Variants in BATF observed in about 807,000 individuals in gnomAD.
BATF encodes the protein basic leucine zipper ATF-like transcription factor.
A neutral mutation model predicts 13.7 loss-of-function variants in BATF; 5 were observed. That is an observed-to-expected ratio of 0.36 (90% confidence interval 0.19 to 0.77). BATF has a LOEUF of 0.77. Among genes scored for constraint, BATF ranks in the 30% least tolerant of loss-of-function variants. The pLI is 0.51. For missense variants in BATF, 124 were observed against 163.0 expected (o/e 0.76, Z 1.30); for synonymous variants, 72 against 67.5 (o/e 1.07, Z -0.33).
intron 2 of BATF, among the ~76,000 whole-genome samples, chr14:75,526,265 T>A (rs952914262): frequency 6.6e-5 from 10 of 152,212 alleles, no homozygotes; most frequent in African/African-American, 2.2e-4. Flanking sequence ...ATGGTTCTTG[T>A]TCAACCAACT....
intron 2 of BATF, among the ~76,000 whole-genome samples, chr14:75,530,623 A>G (rs1324368955): frequency 2.6e-5 from 4 of 152,228 alleles, no homozygotes; most frequent in South Asian, 2.1e-4. Context: ...AGGCATAAAT[A>G]TAGTCCATAG....
Position 75,525,136 on chromosome 14 carries a change from C to A in BATF, c.116C>A (p.Ala39Asp). 6.2e-7 allele frequency: 1 copy of A among 1,613,864 alleles called. No homozygotes were observed. The highest frequency in any genetic ancestry group is 8.5e-7 in the Non-Finnish European group (1 of 1,179,908). The change falls in exon 2 of 3, where the codon GCC becomes GAC. Residue 39 changes from alanine (A) to aspartate (D), a missense_variant. Transcript: ENST00000286639. Reference sequence around the variant, plus strand: ...CAGAGGAGGGAGAAAAATCGTATTGCCGCCCAGAAGAGCCGACAGAGGCAG... The same window carrying A: ...CAGAGGAGGGAGAAAAATCGTATTGACGCCCAGAAGAGCCGACAGAGGCAG... Reference protein sequence around the residue: ...RVQRREKNRIAAQKSRQRQTQ... With the variant: ...RVQRREKNRIDAQKSRQRQTQ...
At chr14:75,527,683 A>C (rs192330430) in intron 2 of BATF, among the ~76,000 whole-genome samples, 250 of 152,292 alleles carry the variant, frequency 1.6e-3, no homozygotes, top group African/African-American at 5.8e-3. Flanking sequence ...CATTAGGGTA[A>C]TCTCTAGAGC....
At chr14:75,545,801 T>C (rs1310592037) in intron 2 of BATF, among the ~76,000 whole-genome samples, 1 of 151,988 alleles carries the variant, frequency 6.6e-6, no homozygotes, top group Non-Finnish European at 1.5e-5. Flanking sequence ...CCTACATGCA[T>C]ACACGCAGAG....
intron 2 of BATF, among the ~76,000 whole-genome samples, chr14:75,536,418 G>A (rs1281718624): frequency 6.6e-6 from 1 of 152,066 alleles, no homozygotes; most frequent in East Asian, 1.9e-4. Context: ...GAGTGAGGAG[G>A]AACTCAGTAA....
chr14:75,537,578 C>T (rs1434211281), intron 2 of BATF, among the ~76,000 whole-genome samples: 2 of 152,106 alleles, frequency 1.3e-5, no homozygotes, highest in African/African-American at 4.8e-5. Flanking sequence ...GGTAAGGAAA[C>T]GAAACGGTTA....
chr14:75,538,382 T>G (rs1011233940), intron 2 of BATF, among the ~76,000 whole-genome samples: 2 of 151,196 alleles, frequency 1.3e-5, no homozygotes, highest in African/African-American at 4.9e-5. Flanking sequence ...CCTCTGGGGG[T>G]CTGGCATCCA....
At position 75,546,604 on chromosome 14, in the gene BATF, C is replaced by A. The variant is rs550569270; in HGVS notation, c.311C>A (p.Pro104His). The change falls in exon 3 of 3, where the codon CCC becomes CAC. Residue 104 changes from proline (P) to histidine (H), a missense_variant. Pro to His is a moderately conservative substitution (Grantham distance 77). Coordinates refer to ENST00000286639, the MANE Select transcript of BATF (RefSeq NM_006399.5). ...CTGGCCGCCAGCACGCCCTCGCCCC[C>A]CGAGGTGGTGTACAGCGCCCACGCA... ...SVLAASTPSP[P>H]EVVYSAHAFH... 2.5e-6 allele frequency: 4 copies of A among 1,613,906 alleles called. No homozygotes were observed. The highest frequency in any genetic ancestry group is 3.3e-5 in the Admixed American group (2 of 60,002).
chr14:75,536,270 A>G (rs1243686075), intron 2 of BATF, among the ~76,000 whole-genome samples: 1 of 152,194 alleles, frequency 6.6e-6, no homozygotes, highest in Non-Finnish European at 1.5e-5. Flanking sequence ...TTGAGATCAA[A>G]GGTGAATCAA....
At chr14:75,540,186 C>T (rs1362823642) in intron 2 of BATF, among the ~76,000 whole-genome samples, 1 of 152,146 alleles carries the variant, frequency 6.6e-6, no homozygotes, top group Middle Eastern at 3.2e-3. Flanking sequence ...TGGACAGTCC[C>T]CACCAGGGCC....
chr14:75,522,787 T>C (rs1367019323), intron 1 of BATF, 42 bp downstream of exon 1: 1 of 1,611,926 alleles, frequency 6.2e-7, no homozygotes, highest in Non-Finnish European at 8.5e-7. Flanking sequence ...CTGATTCTCC[T>C]GGGGGATGGA....
At position 75,546,762 on chromosome 14, in the gene BATF, A is replaced by G. The variant is rs1887994125; in HGVS notation, c.*91A>G. Reference sequence around the variant, plus strand: ...CCCGCAGAGGCCCCTGTCCACCTGGAGACCCGGAGACAGAGGCCTGGACAA... The same window carrying G: ...CCCGCAGAGGCCCCTGTCCACCTGGGGACCCGGAGACAGAGGCCTGGACAA... On this transcript the variant is annotated 3_prime_UTR_variant, in exon 3 of 3. Coordinates refer to ENST00000286639, the MANE Select transcript of BATF (RefSeq NM_006399.5). 2 of 1,395,904 alleles carry G rather than the reference A, an allele frequency of 1.4e-6. No homozygotes were observed. The highest frequency in any genetic ancestry group is 1.9e-6 in the Non-Finnish European group (2 of 1,039,676). 86.5% of individuals were successfully genotyped at this position (1,395,904 alleles called of 1,614,324 possible).
chr14:75,531,207 T>G (rs1219625300), intron 2 of BATF, among the ~76,000 whole-genome samples: 1 of 152,220 alleles, frequency 6.6e-6, no homozygotes. Context: ...AGTTGGGATT[T>G]GAGTGACTCT....
intron 2 of BATF, among the ~76,000 whole-genome samples, chr14:75,530,061 C>CAA (rs56386431): frequency 0.057 from 6,199 of 109,640 alleles, 270 homozygotes; most frequent in South Asian, 0.08. Context: ...GAGACTCCGT[C>CAA]AAAAAAAAAA....
At position 75,522,476 on chromosome 14, in the gene BATF, G is replaced by T; in HGVS notation, c.-207G>T. The T allele has an allele frequency of 1.8e-6, 1 of 569,802 alleles. No individual in the cohort carries two copies. The highest frequency in any genetic ancestry group is 3.1e-6 in the Non-Finnish European group (1 of 318,418). 35.3% of individuals were successfully genotyped at this position (569,802 alleles called of 1,614,324 possible). On this transcript the variant is annotated 5_prime_UTR_variant, in exon 1 of 3. Coordinates refer to ENST00000286639, the MANE Select transcript of BATF (RefSeq NM_006399.5). ...AGAGAGCGTGCAAGCCCCAAAGCGA[G>T]CGACATGTCCCTTTGGGGAGCAGTC...
rs191669607 is a variant in BATF at position 75,530,703 on chromosome 14, C to T, written c.168+5515C>T. Among the ~76,000 whole-genome samples the T allele has an allele frequency of 6.9e-3, 1,055 of 152,198 alleles. 34 individuals carry two copies. Among genetic ancestry groups the T allele is most frequent in the Admixed American group, 0.059 (906 of 15,294 alleles). ...TATTTTTTATTTTTAGAGACAGGGT[C>T]TCACTATGTTGCCCAGGCTGGTCTC... On this transcript the variant is annotated intron_variant, in intron 2 of 2. Coordinates refer to ENST00000286639, the MANE Select transcript of BATF (RefSeq NM_006399.5).
At chr14:75,529,623 T>C (rs1887703605) in intron 2 of BATF, among the ~76,000 whole-genome samples, 1 of 152,232 alleles carries the variant, frequency 6.6e-6, no homozygotes, top group Non-Finnish European at 1.5e-5. Flanking sequence ...AGTAAAAGTT[T>C]CTTTATAGAT....
chr14:75,538,408 T>C (rs1887847140), intron 2 of BATF, among the ~76,000 whole-genome samples: 1 of 152,206 alleles, frequency 6.6e-6, no homozygotes, highest in Non-Finnish European at 1.5e-5. Flanking sequence ...CCAGACTGTT[T>C]AAGGCTCTCC....
intron 2 of BATF, among the ~76,000 whole-genome samples, chr14:75,543,789 C>T (rs1277990664): frequency 6.6e-6 from 1 of 151,462 alleles, no homozygotes; most frequent in African/African-American, 2.4e-5. Context: ...TGAGATCGCA[C>T]CATTGTACTC....
Sources: gnomAD v4.1 joint callset for allele counts (sites outside exome capture counted in the v4.1 genomes callset) on GRCh38, gnomAD v4.1.1 for gene constraint, MANE v1.5 for transcripts, NCBI Gene and HGNC (gene_info 2026-07-23, HGNC 2026-07-21) for gene names.